NAALADL2: variants seen among roughly 807,000 people sequenced by gnomAD.
NAALADL2 encodes the protein N-acetylated alpha-linked acidic dipeptidase like 2.
In NAALADL2, 76 loss-of-function variants were observed where a neutral mutation model predicts 87.2. That is an observed-to-expected ratio of 0.87 (90% CI 0.72 to 1.05). The LOEUF (loss-of-function observed/expected upper bound fraction) is 1.05. NAALADL2 is among the 50% of genes least tolerant of loss of function. The pLI, the probability that NAALADL2 is intolerant of heterozygous loss-of-function variation, is 0.00. For synonymous variants in NAALADL2, 354 were observed against 331.0 expected (o/e 1.07, Z -0.75); for missense variants, 1,089 against 945.8 (o/e 1.15, Z -1.99).
intron 3 of NAALADL2, among the ~76,000 whole-genome samples, chr3:174,828,900 GA>G (rs1297668472): frequency 6.6e-6 from 1 of 152,134 alleles, no homozygotes; most frequent in Non-Finnish European, 1.5e-5. Flanking sequence ...ATAGATAAGG[GA>G]GGATCACTGT....
At chr3:175,550,934 A>G (rs1228959765) in intron 9 of NAALADL2, among the ~76,000 whole-genome samples, 1 of 152,232 alleles carries the variant, frequency 6.6e-6, no homozygotes, top group Non-Finnish European at 1.5e-5. Flanking sequence ...AGAGAAAAGA[A>G]ATGTTATGAT....
intron 1 of NAALADL2, among the ~76,000 whole-genome samples, chr3:174,983,212 C>T (rs899443371): frequency 6.6e-6 from 1 of 152,152 alleles, no homozygotes; most frequent in Middle Eastern, 3.2e-3. Flanking sequence ...GACAGTATGA[C>T]CCAGAGATTC....
At chr3:175,082,753 C>T (rs1718131627) in intron 1 of NAALADL2, among the ~76,000 whole-genome samples, 1 of 152,158 alleles carries the variant, frequency 6.6e-6, no homozygotes, top group Admixed American at 6.5e-5. Flanking sequence ...GCTGGAACAG[C>T]ATCTGTTTTT....
At chr3:175,260,287 G>A (rs571786094) in intron 4 of NAALADL2, among the ~76,000 whole-genome samples, 134 of 152,060 alleles carry the variant, frequency 8.8e-4, no homozygotes, top group Admixed American at 2.2e-3. Flanking sequence ...TGTGTAGAAT[G>A]CCCCTTGAGA....
intron 1 of NAALADL2, among the ~76,000 whole-genome samples, chr3:174,534,545 G>A (rs1471834037): frequency 1.3e-5 from 2 of 152,174 alleles, no homozygotes; most frequent in African/African-American, 4.8e-5. Flanking sequence ...GATGTCCAGA[G>A]CAGTCCTAGC....
At chr3:174,753,215 A>C (rs1711510124) in intron 3 of NAALADL2, among the ~76,000 whole-genome samples, 2 of 152,230 alleles carry the variant, frequency 1.3e-5, no homozygotes, top group Admixed American at 1.3e-4. Flanking sequence ...CTGGTATTAC[A>C]GGCATGCGCC....
At chr3:175,219,674 A>G (rs1469632138) in intron 2 of NAALADL2, among the ~76,000 whole-genome samples, 3 of 151,900 alleles carry the variant, frequency 2.0e-5, no homozygotes, top group Non-Finnish European at 4.4e-5. Context: ...ATCATTACAT[A>G]TGTTTTAGTC....
At chr3:174,977,340 G>T (rs375333439) in intron 1 of NAALADL2, among the ~76,000 whole-genome samples, 3 of 152,076 alleles carry the variant, frequency 2.0e-5, no homozygotes, top group Non-Finnish European at 2.9e-5. Flanking sequence ...GGCCAGGCTG[G>T]TCTCAAACTC....
intron 4 of NAALADL2, among the ~76,000 whole-genome samples, chr3:175,269,126 AC>A (rs1366087620): frequency 1.8e-4 from 25 of 138,082 alleles, no homozygotes; most frequent in Admixed American, 7.4e-4. Context: ...TTCAGTAGAG[AC>A]GGGATTTCAC....
intron 3 of NAALADL2, among the ~76,000 whole-genome samples, chr3:174,847,724 A>C (rs1057016010): frequency 1.8e-4 from 28 of 152,236 alleles, no homozygotes; most frequent in Admixed American, 1.6e-3. Context: ...CAGTTTAAAC[A>C]ACGGGTGTAG....
chr3:174,542,989 C>G (rs1284209576), intron 1 of NAALADL2, among the ~76,000 whole-genome samples: 1 of 152,076 alleles, frequency 6.6e-6, no homozygotes. Flanking sequence ...ATTTGGGTGG[C>G]TGAGCAGTAA....
chr3:175,166,263 C>G (rs900245773), intron 2 of NAALADL2, among the ~76,000 whole-genome samples: 1 of 152,014 alleles, frequency 6.6e-6, no homozygotes, highest in African/African-American at 2.4e-5. Flanking sequence ...TACAAACACA[C>G]AAACAAAAAT....
intron 3 of NAALADL2, among the ~76,000 whole-genome samples, chr3:174,765,703 A>G (rs1578841587): frequency 6.6e-6 from 1 of 152,360 alleles, no homozygotes; most frequent in East Asian, 1.9e-4. Flanking sequence ...AGCTTTGCAG[A>G]TAATACAGGT....
chr3:175,079,096 C>T (rs1030456977), intron 1 of NAALADL2, among the ~76,000 whole-genome samples: 2 of 152,184 alleles, frequency 1.3e-5, no homozygotes, highest in African/African-American at 4.8e-5. Context: ...CAACACTTAT[C>T]ATCTGTCTTT....
intron 5 of NAALADL2, among the ~76,000 whole-genome samples, chr3:175,407,287 A>T (rs535437946): frequency 6.6e-6 from 1 of 152,332 alleles, no homozygotes; most frequent in South Asian, 2.1e-4. Context: ...AAACAAAGCT[A>T]TATTATATGG....
At chr3:174,951,788 T>C (rs1579690716) in intron 1 of NAALADL2, among the ~76,000 whole-genome samples, 1 of 152,160 alleles carries the variant, frequency 6.6e-6, no homozygotes. Flanking sequence ...GTTATTTTTC[T>C]ATTATTACCC....
At chr3:175,313,967 C>T (rs1022256831) in intron 4 of NAALADL2, among the ~76,000 whole-genome samples, 22 of 149,668 alleles carry the variant, frequency 1.5e-4, no homozygotes, top group African/African-American at 4.2e-4. Flanking sequence ...GAGGCTGAGG[C>T]AGGAGAATTG....
rs1169827021 is a variant in NAALADL2 at position 174,712,380 on chromosome 3, CTTTTTTTTTTTTT to C, written c.-114-25248_-114-25236del. Among the ~76,000 whole-genome samples the C allele has an allele frequency of 5.6e-3, 392 of 70,478 alleles. 2 individuals carry two copies. The highest frequency in any genetic ancestry group is 0.022 in the African/African-American group (372 of 16,944). 46.2% of individuals were successfully genotyped at this position (70,478 alleles called of 152,430 possible). On this transcript the variant is annotated intron_variant, in intron 2 of 3. Transcript: ENST00000434257. ...TATTAACAGTCTCACTTCTCCTCTT[CTTTTTTTTTTTTT>C]TTTTTTTTTTTTGAGACAGAGTCTT...
At chr3:175,081,434 T>C (rs553378872) in intron 1 of NAALADL2, among the ~76,000 whole-genome samples, 1 of 152,318 alleles carries the variant, frequency 6.6e-6, no homozygotes, top group South Asian at 2.1e-4. Flanking sequence ...GTAATGTCTT[T>C]AATACCAGCT....
Sources: allele counts gnomAD v4.1 joint callset (sites outside exome capture counted in the v4.1 genomes callset), GRCh38; gene constraint gnomAD v4.1.1; transcripts MANE v1.5; gene names NCBI Gene and HGNC (gene_info 2026-07-23, HGNC 2026-07-21).